Variants in SAMD12 observed in about 807,000 individuals in gnomAD.
The protein encoded by SAMD12 is sterile alpha motif domain-containing protein 12.
SAMD12 carries 9 observed loss-of-function variants against 15.0 expected under a neutral mutation model. That is an observed-to-expected ratio of 0.60 (90% CI 0.36 to 1.05). The LOEUF (loss-of-function observed/expected upper bound fraction) is 1.05, where lower values mean the gene tolerates loss of function less well. Ranked by LOEUF, SAMD12 falls within the 50% of genes least tolerant of loss-of-function variation. The probability of loss-of-function intolerance (pLI) is 0.01; values close to 1 mark genes in which losing one functional copy is unlikely to be tolerated. For missense variants in SAMD12, 230 were observed against 234.2 expected (o/e 0.98, Z 0.12); for synonymous variants, 86 against 90.1 (o/e 0.96, Z 0.25).
intron 4 of SAMD12, among the ~76,000 whole-genome samples, chr8:118,297,954 G>A (rs1814803420): frequency 6.6e-6 from 1 of 152,156 alleles, no homozygotes; most frequent in South Asian, 2.1e-4. Flanking sequence ...ATGTGGGAAA[G>A]CCTAAATGCA....
At chr8:118,452,914 T>G (rs7838011) in intron 2 of SAMD12, among the ~76,000 whole-genome samples, 3,696 of 152,262 alleles carry the variant, frequency 0.024, 135 homozygotes, top group African/African-American at 0.084. Context: ...TAATTTATCA[T>G]ATTCAAAGGA....
chr8:118,566,385 C>T (rs1826848937), intron 2 of SAMD12, among the ~76,000 whole-genome samples: 1 of 152,104 alleles, frequency 6.6e-6, no homozygotes, highest in African/African-American at 2.4e-5. Flanking sequence ...AGTTGGTTTC[C>T]TTCCAAATAT....
intron 2 of SAMD12, among the ~76,000 whole-genome samples, chr8:118,514,136 A>G (rs112697080): frequency 3.9e-5 from 6 of 152,300 alleles, no homozygotes; most frequent in Middle Eastern, 3.4e-3. Context: ...ACATGAGATC[A>G]GCAACCCTCC....
chr8:118,578,782 C>A (rs1250814089), intron 2 of SAMD12, among the ~76,000 whole-genome samples: 1 of 152,162 alleles, frequency 6.6e-6, no homozygotes, highest in Admixed American at 6.6e-5. Flanking sequence ...TGGACAAATT[C>A]TTTGTCTAAG....
chr8:118,618,756 G>A (rs538474668), intron 1 of SAMD12, among the ~76,000 whole-genome samples: 3 of 151,454 alleles, frequency 2.0e-5, no homozygotes, highest in South Asian at 2.1e-4. Context: ...GGAAAATGGC[G>A]TGAACCCGGG....
At chr8:118,280,427 T>C (rs1813592041) in intron 4 of SAMD12, among the ~76,000 whole-genome samples, 1 of 152,138 alleles carries the variant, frequency 6.6e-6, no homozygotes, top group Non-Finnish European at 1.5e-5. Context: ...GAGTGTGAGA[T>C]AGAATCAAGG....
At chr8:118,619,760 G>A (rs953753389) in intron 1 of SAMD12, among the ~76,000 whole-genome samples, 2 of 152,230 alleles carry the variant, frequency 1.3e-5, no homozygotes, top group Admixed American at 6.5e-5. Flanking sequence ...GTGAGCAGGA[G>A]GCACTTCCCA....
chr8:118,393,806 T>C (rs560094083), intron 3 of SAMD12, among the ~76,000 whole-genome samples: 25 of 152,030 alleles, frequency 1.6e-4, no homozygotes, highest in Non-Finnish European at 3.1e-4. Context: ...TTCACCATGT[T>C]GGCCAGGCTG....
At chr8:118,588,943 T>C (rs1362868613) in intron 1 of SAMD12, among the ~76,000 whole-genome samples, 3 of 152,228 alleles carry the variant, frequency 2.0e-5, no homozygotes, top group Admixed American at 1.3e-4. Flanking sequence ...ATATTACATA[T>C]ACTTGCTGAA....
chr8:118,191,739 A>T (rs1306482162), exon 5 of SAMD12: 2 of 119,914 alleles, frequency 1.7e-5, no homozygotes, highest in Non-Finnish European at 3.4e-5. Flanking sequence ...ATTGTGGTTG[A>T]AAAAAAATAC....
chr8:118,213,961 C>A (rs565618433), intron 4 of SAMD12, among the ~76,000 whole-genome samples: 2 of 152,164 alleles, frequency 1.3e-5, no homozygotes, highest in African/African-American at 4.8e-5. Context: ...AGCACACCCA[C>A]CTATTGACCA....
intron 4 of SAMD12, among the ~76,000 whole-genome samples, chr8:118,370,678 G>A (rs1207310713): frequency 1.3e-5 from 2 of 152,158 alleles, no homozygotes; most frequent in East Asian, 3.8e-4. Context: ...GCAGACTAAT[G>A]CAGGAACAGA....
chr8:118,181,298 C>A, the SAMD12 span, among the ~76,000 whole-genome samples: 2 of 152,162 alleles, frequency 1.3e-5, no homozygotes, highest in Non-Finnish European at 2.9e-5. Flanking sequence ...CTATTTTGGG[C>A]CTCTATTTTC....
the SAMD12 span, among the ~76,000 whole-genome samples, chr8:118,176,956 G>C: frequency 6.6e-6 from 1 of 152,156 alleles, no homozygotes; most frequent in African/African-American, 2.4e-5. Context: ...TGATGAAAAA[G>C]TTTCTCTACA....
intron 2 of SAMD12, among the ~76,000 whole-genome samples, chr8:118,575,915 T>C (rs1348578596): frequency 1.3e-5 from 2 of 152,124 alleles, no homozygotes; most frequent in Admixed American, 1.3e-4. Flanking sequence ...ACAGCCAGAA[T>C]TGCCATAGAA....
chr8:118,148,810 C>G, the SAMD12 span, among the ~76,000 whole-genome samples: 2 of 152,166 alleles, frequency 1.3e-5, no homozygotes, highest in Non-Finnish European at 2.9e-5. Flanking sequence ...TTTCTTGTTT[C>G]ACTTAGCATA....
chr8:118,287,186 T>G (rs978378367), intron 4 of SAMD12, among the ~76,000 whole-genome samples: 8 of 149,938 alleles, frequency 5.3e-5, no homozygotes, highest in Admixed American at 1.3e-4. Context: ...CTACAGTGGC[T>G]CTATCTCGGC....
chr8:118,379,146 A>G lies in SAMD12; in HGVS notation c.*271T>C. 8.4e-7 allele frequency: 1 copy of G among 1,197,110 alleles called. No homozygotes were observed. Among genetic ancestry groups the G allele is most frequent in the Non-Finnish European group, 1.0e-6 (1 of 960,374 alleles). The allele number at this position is 1,197,110 out of a possible 1,614,324, so 74.2% of individuals were successfully genotyped here. A position where few individuals can be genotyped will look rare whatever the true frequency, so the allele number is the denominator to read the frequency against. Reference sequence around the variant, plus strand: ...TCATCGTAACTATTGAATCACTCAAATGCTAAAGCGCCCTCACAATTGGCG... The same window carrying G: ...TCATCGTAACTATTGAATCACTCAAGTGCTAAAGCGCCCTCACAATTGGCG... On this transcript the variant is annotated 3_prime_UTR_variant, in exon 4 of 4. Coordinates refer to ENST00000314727, the MANE Select transcript of SAMD12 (RefSeq NM_207506.3).
At chr8:118,355,009 A>G (rs563051956) in intron 4 of SAMD12, among the ~76,000 whole-genome samples, 77 of 152,382 alleles carry the variant, frequency 5.1e-4, no homozygotes, top group African/African-American at 1.7e-3. Context: ...AAGTAGATCT[A>G]CCATTTGATC....
Sources: gnomAD v4.1 joint callset for allele counts (sites outside exome capture counted in the v4.1 genomes callset) on GRCh38, gnomAD v4.1.1 for gene constraint, MANE v1.5 for transcripts, NCBI Gene and HGNC (gene_info 2026-07-23, HGNC 2026-07-21) for gene names.